LIPI: variants seen among roughly 807,000 people sequenced by gnomAD.
The protein encoded by LIPI is lipase member I.
LIPI carries 59 observed loss-of-function variants against 50.6 expected under a neutral mutation model. That is an observed-to-expected ratio of 1.16 (90% CI 0.94 to 1.45). LIPI has a LOEUF of 1.45. Among genes scored for constraint, LIPI ranks in the 40% most tolerant of loss-of-function variants. LIPI has a pLI of 0.00. For synonymous variants in LIPI, 203 were observed against 178.2 expected (o/e 1.14, Z -1.11); for missense variants, 586 against 536.3 (o/e 1.09, Z -0.92).
intron 1 of LIPI, among the ~76,000 whole-genome samples, chr21:14,208,981 G>A (rs2123364707): frequency 6.6e-6 from 1 of 152,216 alleles, no homozygotes; most frequent in African/African-American, 2.4e-5. Flanking sequence ...AACCTAGGAG[G>A]TCGAGGCTGT....
intron 4 of LIPI, among the ~76,000 whole-genome samples, chr21:14,172,088 C>T (rs569369311): frequency 8.9e-4 from 135 of 152,144 alleles, no homozygotes; most frequent in African/African-American, 3.1e-3. Flanking sequence ...AAAGAAGACA[C>T]CTATGCAGCC....
chr21:14,117,975 A>G (rs1568831157), intron 9 of LIPI, among the ~76,000 whole-genome samples: 1 of 151,952 alleles, frequency 6.6e-6, no homozygotes, highest in East Asian at 1.9e-4. Context: ...AGGACAAGCT[A>G]GGCCAGATCA....
At chr21:14,128,056 CGTT>C (rs1303862374) in intron 9 of LIPI, among the ~76,000 whole-genome samples, 2 of 151,920 alleles carry the variant, frequency 1.3e-5, no homozygotes, top group Non-Finnish European at 2.9e-5. Flanking sequence ...GAACCAATAA[CGTT>C]GTGTTCACCT....
chr21:14,129,443 A>C (rs998741266), intron 9 of LIPI, among the ~76,000 whole-genome samples: 2 of 152,114 alleles, frequency 1.3e-5, no homozygotes, highest in Non-Finnish European at 2.9e-5. Flanking sequence ...GTCCCACAAC[A>C]GTTAGTGAAA....
intron 9 of LIPI, chr21:14,143,997 C>A: frequency 5.7e-6 from 1 of 176,602 alleles, no homozygotes. Flanking sequence ...CAAACCAAGA[C>A]AGGTGACTAT....
intron 3 of LIPI, among the ~76,000 whole-genome samples, chr21:14,182,093 C>T (rs370022842): frequency 3.9e-5 from 6 of 152,120 alleles, no homozygotes; most frequent in South Asian, 4.2e-4. Context: ...AAAATATTGT[C>T]GGAATTTTTG....
chr21:14,171,187 T>G (rs1425505154), intron 4 of LIPI, among the ~76,000 whole-genome samples: 1 of 151,248 alleles, frequency 6.6e-6, no homozygotes, highest in Non-Finnish European at 1.5e-5. Flanking sequence ...CAAGAAGAAC[T>G]ACAAACCACT....
chr21:14,159,186 C>T (rs1013602836), intron 7 of LIPI, among the ~76,000 whole-genome samples: 1 of 151,254 alleles, frequency 6.6e-6, no homozygotes, highest in Non-Finnish European at 1.5e-5. Context: ...TATGCCAAAA[C>T]CAGACAAAGA....
chr21:14,160,662 A>G (rs1463013075), intron 7 of LIPI, among the ~76,000 whole-genome samples: 1 of 151,396 alleles, frequency 6.6e-6, no homozygotes, highest in African/African-American at 2.4e-5. Context: ...CATCAAAACT[A>G]ATCACTTTTT....
rs2018648624 is a variant in LIPI at position 14,165,469 on chromosome 21, G to A, written c.734-79C>T. The A allele has an allele frequency of 3.7e-6, 4 of 1,073,098 alleles. No individual in the cohort carries two copies. The East Asian group carries it at 9.7e-5, about 26-fold the overall frequency. The allele number at this position is 1,073,098 out of a possible 1,614,324, so 66.5% of individuals were successfully genotyped here. Reference sequence around the variant, plus strand: ...GTACATTTAAAAACAAAGTAAAGATGAAGTTTTGCTAAATACTATGTACCT... The same window carrying A: ...GTACATTTAAAAACAAAGTAAAGATAAAGTTTTGCTAAATACTATGTACCT... On this transcript the variant is annotated intron_variant, in intron 5 of 9. Coordinates refer to ENST00000681601, the MANE Select transcript of LIPI (RefSeq NM_001302998.2).
intron 1 of LIPI, among the ~76,000 whole-genome samples, chr21:14,206,198 T>G (rs1459507107): frequency 1.3e-5 from 2 of 152,116 alleles, no homozygotes; most frequent in African/African-American, 4.8e-5. Flanking sequence ...GCAGGCATAG[T>G]GCCCTGGACG....
chr21:14,170,887 A>C (rs1282684976), intron 4 of LIPI, among the ~76,000 whole-genome samples: 1 of 151,808 alleles, frequency 6.6e-6, no homozygotes, highest in Non-Finnish European at 1.5e-5. Context: ...GGAGAAGGAA[A>C]TAAAGGGTAT....
At chr21:14,200,360 C>A (rs889068218) in intron 1 of LIPI, among the ~76,000 whole-genome samples, 1 of 152,068 alleles carries the variant, frequency 6.6e-6, no homozygotes, top group Non-Finnish European at 1.5e-5. Flanking sequence ...ACCCTATAGT[C>A]TCTGCCCAAA....
At chr21:14,110,195 A>G (rs923119529) in intron 9 of LIPI, among the ~76,000 whole-genome samples, 1 of 151,756 alleles carries the variant, frequency 6.6e-6, no homozygotes, top group Non-Finnish European at 1.5e-5. Context: ...TAATCCATAT[A>G]TATTATACCA....
At chr21:14,136,530 A>C (rs150531253) in intron 9 of LIPI, among the ~76,000 whole-genome samples, 1 of 152,160 alleles carries the variant, frequency 6.6e-6, no homozygotes, top group African/African-American at 2.4e-5. Flanking sequence ...TTGTAATTTG[A>C]GTGCCAGCTC....
intron 8 of LIPI, among the ~76,000 whole-genome samples, chr21:14,147,849 T>C (rs1157216439): frequency 6.6e-6 from 1 of 152,254 alleles, no homozygotes; most frequent in South Asian, 2.1e-4. Context: ...GAATCTCCCT[T>C]ACCCTGTTTT....
chr21:14,165,791 C>T (rs1241756650), intron 5 of LIPI, among the ~76,000 whole-genome samples: 1 of 152,172 alleles, frequency 6.6e-6, no homozygotes, highest in Non-Finnish European at 1.5e-5. Context: ...CCTTCCTTTT[C>T]TTTTCCAACC....
At chr21:14,124,471 CTT>C (rs2123350662) in intron 9 of LIPI, among the ~76,000 whole-genome samples, 1 of 152,284 alleles carries the variant, frequency 6.6e-6, no homozygotes, top group East Asian at 1.9e-4. Context: ...CTCAGCGAGC[CTT>C]ATCTGTACTT....
intron 4 of LIPI, among the ~76,000 whole-genome samples, chr21:14,172,730 G>T (rs9977489): frequency 0.26 from 38,925 of 151,524 alleles, 5,287 homozygotes; most frequent in Middle Eastern, 0.34. Context: ...GTGGGGGAAG[G>T]GGGGAGGGAT....
Sources: gnomAD v4.1 joint callset for allele counts (sites outside exome capture counted in the v4.1 genomes callset) on GRCh38, gnomAD v4.1.1 for gene constraint, MANE v1.5 for transcripts, NCBI Gene and HGNC (gene_info 2026-07-23, HGNC 2026-07-21) for gene names.